HECW1: variants seen among roughly 807,000 people sequenced by gnomAD.
HECW1 encodes HECT, C2 and WW domain containing E3 ubiquitin protein ligase 1.
A neutral mutation model predicts 182.3 loss-of-function variants in HECW1; 61 were observed. The ratio of observed to expected loss-of-function variants is 0.33; its 90% CI spans 0.27 to 0.41. The LOEUF is 0.41. Among genes scored for constraint, HECW1 ranks in the 10% least tolerant of loss-of-function variants. The pLI is 1.00. For missense variants in HECW1, 1,739 were observed against 2,108.9 expected (o/e 0.82, Z 3.44); for synonymous variants, 859 against 832.6 (o/e 1.03, Z -0.55).
intron 2 of HECW1, among the ~76,000 whole-genome samples, chr7:43,141,710 C>A (rs1788174252): frequency 1.3e-5 from 2 of 152,138 alleles, no homozygotes; most frequent in East Asian, 3.9e-4. Context: ...GTTGGTCAGG[C>A]TGGTCTTGAA....
rs530398051 is a variant in HECW1, at chr7:43,400,377, A to G, written c.631+3488A>G. Among the ~76,000 whole-genome samples, 76 of 152,338 alleles carry G rather than the reference A, an allele frequency of 5.0e-4. 1 individual carries two copies. The highest frequency in any genetic ancestry group is 2.3e-3 in the South Asian group (11 of 4,824). On this transcript the variant is annotated intron_variant, in intron 7 of 29. Transcript: ENST00000395891. ...AAGAGCAGAGCTAAGGATTCCAGCA[A>G]CAACCAGTTGGACAACCAAACTCAC...
At chr7:43,445,678 G>A in intron 11 of HECW1, 108 bp downstream of exon 11, 1 of 1,365,762 alleles carries the variant, frequency 7.3e-7, no homozygotes, top group African/African-American at 1.5e-5. Context: ...AAACGGGGTT[G>A]CTGGGGCAAT....
At chr7:43,330,516 A>G (rs2152790090) in intron 5 of HECW1, among the ~76,000 whole-genome samples, 1 of 152,338 alleles carries the variant, frequency 6.6e-6, no homozygotes, top group South Asian at 2.1e-4. Flanking sequence ...ATGATTATAC[A>G]GCCATAGTAA....
At chr7:43,296,509 G>A (rs981154910) in intron 3 of HECW1, among the ~76,000 whole-genome samples, 6 of 152,236 alleles carry the variant, frequency 3.9e-5, no homozygotes, top group Admixed American at 2.6e-4. Flanking sequence ...GAACTTGGCG[G>A]CGCAGCTGTG....
At chr7:43,266,166 A>G (rs952087847) in intron 3 of HECW1, among the ~76,000 whole-genome samples, 2 of 151,882 alleles carry the variant, frequency 1.3e-5, no homozygotes, top group African/African-American at 4.8e-5. Context: ...AAAAATTTCC[A>G]CCCTCTTGTC....
chr7:43,233,143 C>G (rs1798027344), intron 2 of HECW1, among the ~76,000 whole-genome samples: 1 of 152,016 alleles, frequency 6.6e-6, no homozygotes, highest in South Asian at 2.1e-4. Flanking sequence ...TTTCTATGTT[C>G]AATATCACAT....
At chr7:43,287,125 A>C (rs1448454374) in intron 3 of HECW1, among the ~76,000 whole-genome samples, 1 of 152,204 alleles carries the variant, frequency 6.6e-6, no homozygotes, top group African/African-American at 2.4e-5. Flanking sequence ...ATGAACAATA[A>C]ACTAACGGAG....
intron 24 of HECW1, among the ~76,000 whole-genome samples, chr7:43,513,831 G>C (rs2079998634): frequency 6.6e-6 from 1 of 152,198 alleles, no homozygotes; most frequent in African/African-American, 2.4e-5. Context: ...AAAGTCAGCA[G>C]TGATAATATT....
chr7:43,460,767 C>T (rs1481999615), intron 13 of HECW1, among the ~76,000 whole-genome samples: 1 of 152,150 alleles, frequency 6.6e-6, no homozygotes, highest in African/African-American at 2.4e-5. Context: ...CAGTCCTGCC[C>T]TGAAAGACTG....
intron 3 of HECW1, among the ~76,000 whole-genome samples, chr7:43,300,049 C>A (rs1806534216): frequency 6.6e-6 from 1 of 152,242 alleles, no homozygotes; most frequent in Admixed American, 6.5e-5. Flanking sequence ...AAAAGCAAGG[C>A]TTTGTCTTTG....
At chr7:43,185,757 A>T (rs954522946) in intron 2 of HECW1, among the ~76,000 whole-genome samples, 5 of 152,194 alleles carry the variant, frequency 3.3e-5, no homozygotes, top group African/African-American at 1.2e-4. Flanking sequence ...AGCACAGATG[A>T]CTGTATAATA....
intron 5 of HECW1, among the ~76,000 whole-genome samples, chr7:43,359,074 C>T (rs112355364): frequency 0.011 from 1,630 of 152,272 alleles, 31 homozygotes; most frequent in African/African-American, 0.036. Context: ...GATCCACCCA[C>T]CTCGGCCTCC....
chr7:43,450,606 C>G (rs370285969), intron 11 of HECW1, among the ~76,000 whole-genome samples: 1 of 152,042 alleles, frequency 6.6e-6, no homozygotes, highest in African/African-American at 2.4e-5. Context: ...GACTGTGTGG[C>G]GCAGATCATT....
intron 2 of HECW1, among the ~76,000 whole-genome samples, chr7:43,203,699 C>A (rs1237469957): frequency 6.6e-6 from 1 of 152,276 alleles, no homozygotes; most frequent in Admixed American, 6.5e-5. Flanking sequence ...CTCAAATGAT[C>A]CACCCACCTC....
chr7:43,416,609 C>T (rs941458278), intron 8 of HECW1, among the ~76,000 whole-genome samples: 10 of 150,818 alleles, frequency 6.6e-5, no homozygotes, highest in South Asian at 2.1e-4. Flanking sequence ...TGGGCAATGG[C>T]GGGCACCCCT....
intron 2 of HECW1, among the ~76,000 whole-genome samples, chr7:43,237,147 AGGTAGGTAGGTAGGT>A (rs1562714978): frequency 1.2e-5 from 1 of 83,516 alleles, no homozygotes; most frequent in East Asian, 2.6e-4. Flanking sequence ...GGAAGTAGGT[AGGTAGGTAGGTAGGT>A]AGGTAGGTAG....
intron 29 of HECW1, among the ~76,000 whole-genome samples, chr7:43,555,047 C>T (rs1344851534): frequency 6.6e-6 from 1 of 152,300 alleles, no homozygotes; most frequent in East Asian, 1.9e-4. Flanking sequence ...TTGTGGGATG[C>T]TGTCATAGCC....
intron 21 of HECW1, among the ~76,000 whole-genome samples, chr7:43,506,669 C>T (rs1290840120): frequency 1.3e-5 from 2 of 152,188 alleles, no homozygotes; most frequent in Admixed American, 6.5e-5. Flanking sequence ...TGCCTGTACT[C>T]CCAGCACTTT....
rs1563051463 is a variant in HECW1, at chr7:43,492,168, T to G, written c.3328T>G (p.Ser1110Ala). Reference protein sequence around the residue: ...AAIRSQHQHESLPLAYNDKIV... With the variant: ...AAIRSQHQHEALPLAYNDKIV... ...TATTCGAAGCCAACATCAACATGAGTCATTGCCACTGGGTATGTATCATGC... is the reference window on the plus strand; with the variant it reads ...TATTCGAAGCCAACATCAACATGAGGCATTGCCACTGGGTATGTATCATGC... Residue 1110 changes from serine to alanine, a missense_variant, in exon 18 of 30, where the codon TCA (serine) becomes GCA (alanine). Coordinates refer to ENST00000395891, the MANE Select transcript of HECW1 (RefSeq NM_015052.5). 6.2e-7 allele frequency: 1 copy of G among 1,600,010 alleles called. No homozygotes were observed. The highest frequency in any genetic ancestry group is 1.8e-5 in the Admixed American group (1 of 56,428).
Sources: gnomAD v4.1 joint callset for allele counts (sites outside exome capture counted in the v4.1 genomes callset) on GRCh38, gnomAD v4.1.1 for gene constraint, MANE v1.5 for transcripts, NCBI Gene and HGNC (gene_info 2026-07-23, HGNC 2026-07-21) for gene names.